The following CREBRF variants were observed in gnomAD, a reference collection of about 807,000 sequenced individuals.
CREBRF encodes the protein UPF0474 protein C5orf41.
Under a neutral mutation model 66.1 loss-of-function variants are expected in CREBRF, and 5 were observed. That is an observed-to-expected ratio of 0.08 (90% confidence interval 0.04 to 0.16). CREBRF has a LOEUF of 0.16. CREBRF is among the 10% of genes least tolerant of loss of function. The pLI is 1.00. For synonymous variants in CREBRF, 229 were observed against 264.4 expected, an observed-to-expected ratio of 0.87 and a Z score of 1.30; for missense variants, 531 against 744.9, an observed-to-expected ratio of 0.71 and a Z score of 3.34.
intron 1 of CREBRF, among the ~76,000 whole-genome samples, chr5:173,078,758 C>T (rs1337082799): frequency 1.3e-5 from 2 of 151,970 alleles, no homozygotes; most frequent in Non-Finnish European, 2.9e-5. Flanking sequence ...CTCCTGACCT[C>T]AAGTGATCCA....
chr5:173,112,292 C>A lies in CREBRF; in HGVS notation c.1608-14C>A. On this transcript the variant is annotated splice_polypyrimidine_tract_variant and intron_variant, in intron 6 of 8. Coordinates refer to ENST00000296953, the MANE Select transcript of CREBRF (RefSeq NM_153607.3). ...AGAAAAAGAAAGTGAACTAACTGCT[C>A]CTTCCTTTCACAGAGCTTGTCGGTT... 1 of 1,561,132 alleles carries A rather than the reference C, an allele frequency of 6.4e-7. No homozygotes were observed. Among genetic ancestry groups the A allele is most frequent in the Non-Finnish European group, 8.7e-7 (1 of 1,154,254 alleles).
intron 2 of CREBRF, among the ~76,000 whole-genome samples, chr5:173,082,016 T>TTTTTTTTTTTGTTTG (rs1321283522): frequency 6.2e-5 from 8 of 129,376 alleles, no homozygotes; most frequent in South Asian, 2.9e-4. Flanking sequence ...TTTTTTTTTT[T>TTTTTTTTTTTGTTTG]TTTTTTTTTT....
chr5:173,087,490 G>A lies in CREBRF; in HGVS notation c.135+864G>A, dbSNP rs113914868. Among the ~76,000 whole-genome samples the A allele has an allele frequency of 3.6e-3, 528 of 146,340 alleles. 2 individuals carry two copies. The highest frequency in any genetic ancestry group is 0.012 in the African/African-American group (490 of 39,398). On this transcript the variant is annotated intron_variant, in intron 3 of 8. Coordinates refer to ENST00000296953, the MANE Select transcript of CREBRF (RefSeq NM_153607.3). ...AGGCGGGCGGATCATGAGGTCAGGA[G>A]ATTGAGACCATCCTGGCCAACATGG...
At chr5:173,089,581 G>A (rs1223821966) in intron 3 of CREBRF, among the ~76,000 whole-genome samples, 1 of 151,682 alleles carries the variant, frequency 6.6e-6, no homozygotes, top group Admixed American at 6.6e-5. Context: ...CAGCAATTTG[G>A]GAGGGCAAGG....
rs776907461 is a variant in CREBRF, at chr5:173,090,910, C to T, written c.731C>T (p.Pro244Leu). The T allele has an allele frequency of 9.3e-6, 15 of 1,614,114 alleles. No individual in the cohort carries two copies. In the East Asian group the frequency reaches 3.3e-4, roughly 36 times the overall value. ...YVKKAKVKIN[P>L]VQQSRPLLSQ... is the part of the protein sequence containing the mutation. ...AAAAAGGCAAAGGTAAAGATCAACC[C>T]AGTGCAACAGAGCCGGCCCTTGTTG... Residue 244 changes from proline (P) to leucine (L), a missense_variant, in exon 4 of 9, where the codon CCA becomes CTA. Coordinates refer to ENST00000296953, the MANE Select transcript of CREBRF (RefSeq NM_153607.3). This position sits in a 1 kb window ranked among gnomAD's most constrained non-coding sequence, Gnocchi z 4.5.
Position 173,063,584 on chromosome 5 carries a change from G to C in CREBRF, c.-192+7105G>C, listed in dbSNP as rs191897140. Among the ~76,000 whole-genome samples the C allele has an allele frequency of 2.0e-5, 3 of 152,200 alleles. No individual in the cohort carries two copies. In the East Asian group the frequency reaches 5.8e-4, roughly 29 times the overall value. ...GGGTTTCGCCATGTTGGCCAGGCTG[G>C]TCTTGAACTCCTGACCTCAGGTGAT... On this transcript the variant is annotated intron_variant, in intron 1 of 8. Transcript: ENST00000296953.
At chr5:173,118,483 T>C (rs1759061509) in intron 7 of CREBRF, among the ~76,000 whole-genome samples, 1 of 152,222 alleles carries the variant, frequency 6.6e-6, no homozygotes, top group Middle Eastern at 3.2e-3. Flanking sequence ...TTTTAGGTTT[T>C]GCATTTAGGC....
rs1244519345 is a variant in CREBRF at position 173,091,066 on chromosome 5, A to G, written c.887A>G (p.Gln296Arg). Residue 296 changes from glutamine to arginine, a missense_variant, in exon 4 of 9, where the codon CAG becomes CGG. By Grantham distance (43) the Gln-to-Arg change is conservative (BLOSUM62 1). Transcript: ENST00000296953. The stretch of plus-strand genomic sequence containing the variant: ...CCCGCTTTGCCTTTTAAAGAAACCC[A>G]GGAACTATTACTAAGTCCCCTGCCC... ...ATPALPFKET[Q>R]ELLLSPLPQE... 1.9e-6 allele frequency: 3 copies of G among 1,614,216 alleles called. No homozygotes were observed. The African/African-American group carries it at 4.0e-5, about 22-fold the overall frequency.
At chr5:173,113,539 C>T (rs1387584504) in intron 7 of CREBRF, among the ~76,000 whole-genome samples, 1 of 152,100 alleles carries the variant, frequency 6.6e-6, no homozygotes, top group Non-Finnish European at 1.5e-5. Context: ...AACTCCTGAC[C>T]TCAGGTGATC....
chr5:173,078,291 T>C (rs940444033), intron 1 of CREBRF, among the ~76,000 whole-genome samples: 3 of 152,160 alleles, frequency 2.0e-5, no homozygotes, highest in Non-Finnish European at 4.4e-5. Context: ...CTGTGATGAA[T>C]GTTAGATGAT....
rs544817671 is a variant in CREBRF at position 173,130,033 on chromosome 5, C to G, written c.1805-3597C>G. Reference sequence around the variant, plus strand: ...AGAGACGGGGTTTCACCATGTTGTTCAGGCTGGCCTCAAACTCCTGACCTT... The same window carrying G: ...AGAGACGGGGTTTCACCATGTTGTTGAGGCTGGCCTCAAACTCCTGACCTT... On this transcript the variant is annotated intron_variant, in intron 8 of 8. Coordinates refer to ENST00000296953, the MANE Select transcript of CREBRF (RefSeq NM_153607.3). Among the ~76,000 whole-genome samples the G allele has an allele frequency of 8.9e-4, 135 of 152,220 alleles. 1 individual carries two copies. The highest frequency in any genetic ancestry group is 4.4e-4 in the Non-Finnish European group (30 of 68,016).
rs933694176 is a variant in CREBRF at position 173,069,078 on chromosome 5, CA to C, written c.-191-11498del. 1.4e-3 allele frequency among the ~76,000 whole-genome samples: 217 copies of C among 149,798 alleles called. 1 individual carries two copies. Among genetic ancestry groups the C allele is most frequent in the African/African-American group, 4.8e-3 (196 of 40,926 alleles). On this transcript the variant is annotated intron_variant, in intron 1 of 8. Coordinates refer to ENST00000296953, the MANE Select transcript of CREBRF (RefSeq NM_153607.3). ...CAGAGGGAGACTCCGTCTCAAAAAA[CA>C]AAAAAAAAGAAAAGGATTCTGAGTT...
chr5:173,078,025 A>T (rs749456686), intron 1 of CREBRF, among the ~76,000 whole-genome samples: 1 of 152,226 alleles, frequency 6.6e-6, no homozygotes, highest in Non-Finnish European at 1.5e-5. Flanking sequence ...TGCCATGAAC[A>T]TAAGTGTAGA....
intron 1 of CREBRF, among the ~76,000 whole-genome samples, chr5:173,079,053 T>A (rs1318071380): frequency 1.3e-5 from 2 of 152,094 alleles, no homozygotes; most frequent in South Asian, 2.1e-4. Flanking sequence ...ACATACCAGT[T>A]GTAGGACGAC....
At position 173,135,370 on chromosome 5, in the gene CREBRF, TG is replaced by T. The variant is rs1423606372; in HGVS notation, c.*1626del. The T allele has an allele frequency of 2.0e-5, 3 of 152,540 alleles. No homozygotes were observed. The highest frequency in any genetic ancestry group is 7.2e-5 in the African/African-American group (3 of 41,456). The allele number at this position is 152,540 out of a possible 1,614,324, so 9.4% of individuals were successfully genotyped here. A position where few individuals can be genotyped will look rare whatever the true frequency, so the allele number is the denominator to read the frequency against. On this transcript the variant is annotated 3_prime_UTR_variant, in exon 9 of 9. Coordinates refer to ENST00000296953, the MANE Select transcript of CREBRF (RefSeq NM_153607.3). ...GCTTCATTAGTCAGTGTTTTAACTGTGTTCAAGCTTTACCTCTTGATGAGAA... is the reference window on the plus strand; with the variant it reads ...GCTTCATTAGTCAGTGTTTTAACTGTTTCAAGCTTTACCTCTTGATGAGAA...
chr5:173,107,813 CA>C (rs1366605155), intron 4 of CREBRF, among the ~76,000 whole-genome samples: 2 of 137,832 alleles, frequency 1.5e-5, no homozygotes, highest in African/African-American at 5.5e-5. Context: ...TCTGTCTCTA[CA>C]AAATTTTTTT....
At chr5:173,081,030 TCTG>T (rs1261304550) in intron 2 of CREBRF, among the ~76,000 whole-genome samples, 1 of 152,202 alleles carries the variant, frequency 6.6e-6, no homozygotes, top group East Asian at 1.9e-4. Context: ...GGTGGACAGA[TCTG>T]CTGGCTTTAT....
At chr5:173,127,911 T>G (rs901547795) in intron 8 of CREBRF, among the ~76,000 whole-genome samples, 2 of 152,230 alleles carry the variant, frequency 1.3e-5, no homozygotes, top group Non-Finnish European at 2.9e-5. Context: ...TTTTGATTTC[T>G]TCTATATCTG....
chr5:173,073,650 GA>G (rs1757659663), intron 1 of CREBRF, among the ~76,000 whole-genome samples: 2 of 152,208 alleles, frequency 1.3e-5, no homozygotes, highest in Admixed American at 1.3e-4. Context: ...ATTCAACTCA[GA>G]TTAATCCAGA....
Sources: allele counts gnomAD v4.1 joint callset (sites outside exome capture counted in the v4.1 genomes callset), GRCh38; gene constraint gnomAD v4.1.1; non-coding constraint Gnocchi (gnomAD v3.1); transcripts MANE v1.5; gene names NCBI Gene and HGNC (gene_info 2026-07-23, HGNC 2026-07-21).